The following PAGE2B variants were observed in gnomAD, a reference collection of about 807,000 sequenced individuals.
PAGE2B encodes PAGE family member 2B, also known as putative G antigen family E member 3.
In PAGE2B, 5 loss-of-function variants were observed where a neutral mutation model predicts 7.6. That is an observed-to-expected ratio of 0.66 (90% CI 0.34 to 1.38). The LOEUF (loss-of-function observed/expected upper bound fraction) is 1.38, where lower values mean the gene tolerates loss of function less well. Among genes scored for constraint, PAGE2B ranks in the 40% most tolerant of loss-of-function variants. The pLI, the probability that PAGE2B is intolerant of heterozygous loss-of-function variation, is 0.04. For synonymous variants in PAGE2B, 29 were observed against 26.7 expected (o/e 1.09, Z -0.27); for missense variants, 70 against 78.4 (o/e 0.89, Z 0.41).
At chrX:55,066,833 G>A in the PAGE2B span, among the ~76,000 whole-genome samples, 42,597 of 109,905 alleles carry the variant, frequency 0.39, 6,933 homozygotes, top group Middle Eastern at 0.62. Flanking sequence ...CTTTCTCTAG[G>A]TTTGGGAAGT....
At chrX:55,070,242 T>C (rs975135435), upstream of PAGE2B, among the ~76,000 whole-genome samples, 21 of 112,001 alleles carry the variant, frequency 1.9e-4, 1 homozygote, top group Admixed American at 1.8e-3. Flanking sequence ...TGTGTCTCTG[T>C]TCTCATTGGT....
upstream of PAGE2B, among the ~76,000 whole-genome samples, chrX:55,073,172 T>G (rs1464617868): frequency 1.8e-5 from 2 of 111,852 alleles, no homozygotes; most frequent in Non-Finnish European, 3.8e-5. Flanking sequence ...CTGCCCAGTT[T>G]TGTGCTTGAA....
the PAGE2B span, among the ~76,000 whole-genome samples, chrX:55,067,373 G>A: frequency 2.7e-4 from 30 of 111,432 alleles, no homozygotes; most frequent in African/African-American, 8.2e-4. Flanking sequence ...TCCCTGGAAA[G>A]GACATGAACT....
the PAGE2B span, among the ~76,000 whole-genome samples, chrX:55,047,239 C>T: frequency 2.7e-5 from 3 of 111,256 alleles, no homozygotes; most frequent in African/African-American, 9.8e-5. Context: ...TCATCCATGT[C>T]CCTACAAAGG....
Position 55,075,068 on chromosome X carries a change from A to G in PAGE2B, c.-55A>G, listed in dbSNP as rs1205207067. ...ACAGCTCTGCAAGGAGAGTGTCTTC[A>G]TTCTTTCCGCCATCTTGATTCTTTG... On this transcript the variant is annotated 5_prime_UTR_variant, in exon 1 of 5. Transcript: ENST00000374971. 1 of 118,607 alleles carries G rather than the reference A, an allele frequency of 8.4e-6. No individual in the cohort carries two copies. The allele number at this position is 118,607 out of a possible 1,213,427, so 9.8% of individuals were successfully genotyped here.
chrX:55,030,987 G>A, the PAGE2B span: 11 of 339,593 alleles, frequency 3.2e-5, no homozygotes, highest in Non-Finnish European at 5.9e-5. Context: ...TGGGTACTTG[G>A]GTTAGGACCT....
chrX:55,040,563 G>A, the PAGE2B span, among the ~76,000 whole-genome samples: 1 of 111,425 alleles, frequency 9.0e-6, no homozygotes, highest in African/African-American at 3.3e-5. Flanking sequence ...CACAAAGGAT[G>A]AACATTGTAT....
At position 55,075,462 on chromosome X, in the gene PAGE2B, A is replaced by G. The variant is rs3813927; in HGVS notation, c.-9+348A>G. Among the ~76,000 whole-genome samples the G allele has an allele frequency of 2.4e-3, 269 of 110,937 alleles. 7 individuals carry two copies. In the East Asian group the frequency reaches 0.068, roughly 28 times the overall value. ...CTCGGTAGGGACGCGGGAAGAGACC[A>G]TGTGGTCAGTAAGGAAGGGGCCTGG... On this transcript the variant is annotated intron_variant, in intron 1 of 4. Transcript: ENST00000374971.
the PAGE2B span, among the ~76,000 whole-genome samples, chrX:55,056,241 T>G: frequency 9.0e-6 from 1 of 110,941 alleles, no homozygotes; most frequent in Non-Finnish European, 1.9e-5. Flanking sequence ...CTTCTACATT[T>G]CCCCCAAGGC....
At chrX:55,054,167 C>T in the PAGE2B span, among the ~76,000 whole-genome samples, 1 of 110,800 alleles carries the variant, frequency 9.0e-6, no homozygotes, top group Non-Finnish European at 1.9e-5. Flanking sequence ...CGAAATCATG[C>T]CACTGCACTC....
At chrX:55,040,672 T>C in the PAGE2B span, among the ~76,000 whole-genome samples, 9 of 111,212 alleles carry the variant, frequency 8.1e-5, no homozygotes. Flanking sequence ...GAATGGAAGT[T>C]ACTGTTTAAG....
At chrX:55,057,418 T>C in the PAGE2B span, among the ~76,000 whole-genome samples, 1 of 111,777 alleles carries the variant, frequency 8.9e-6, no homozygotes, top group African/African-American at 3.3e-5. Context: ...GATATATAAA[T>C]CCACAAAGAT....
chrX:55,033,506 T>G, the PAGE2B span, among the ~76,000 whole-genome samples: 1 of 111,665 alleles, frequency 9.0e-6, no homozygotes, highest in African/African-American at 3.3e-5. Context: ...GAGGGAGAAG[T>G]AAGTTTCAGT....
the PAGE2B span, among the ~76,000 whole-genome samples, chrX:55,028,213 A>G: frequency 1.8e-5 from 2 of 111,045 alleles, no homozygotes; most frequent in African/African-American, 6.6e-5. Context: ...TAAAGTTGCC[A>G]GAGTTTATCG....
chrX:55,050,758 A>G, the PAGE2B span, among the ~76,000 whole-genome samples: 1 of 111,455 alleles, frequency 9.0e-6, no homozygotes, highest in Non-Finnish European at 1.9e-5. Flanking sequence ...TTGGCTCTTT[A>G]TCCAGTTTGC....
At chrX:55,058,004 C>T in the PAGE2B span, among the ~76,000 whole-genome samples, 1 of 111,393 alleles carries the variant, frequency 9.0e-6, no homozygotes, top group Non-Finnish European at 1.9e-5. Context: ...AGCAGATAGC[C>T]TACCACTGGC....
chrX:55,076,039 A>G lies in PAGE2B; in HGVS notation c.-3A>G, dbSNP rs745614887. The G allele has an allele frequency of 8.6e-5, 103 of 1,203,334 alleles. No individual in the cohort carries two copies. The highest frequency in any genetic ancestry group is 1.1e-4 in the Non-Finnish European group (97 of 890,635). ...TAACAGTATTCTATTTTCAGTGGGA[A>G]ATATGAGTGAGCATGTGAGAACAAG... On this transcript the variant is annotated 5_prime_UTR_variant, in exon 2 of 5. Coordinates refer to ENST00000374971, the MANE Select transcript of PAGE2B (RefSeq NM_001015038.3).
At chrX:55,058,841 T>C in the PAGE2B span, among the ~76,000 whole-genome samples, 10 of 110,836 alleles carry the variant, frequency 9.0e-5, no homozygotes, top group East Asian at 2.3e-3. Flanking sequence ...GGAGTGTTAG[T>C]CTTCGAAAAT....
the PAGE2B span, among the ~76,000 whole-genome samples, chrX:55,048,861 A>G: frequency 9.0e-6 from 1 of 111,666 alleles, no homozygotes; most frequent in Non-Finnish European, 1.9e-5. Context: ...GAGTGGTGAG[A>G]GAGGGCATCC....
Sources: allele counts gnomAD v4.1 joint callset (sites outside exome capture counted in the v4.1 genomes callset), GRCh38; gene constraint gnomAD v4.1.1; transcripts MANE v1.5; gene names NCBI Gene and HGNC (gene_info 2026-07-23, HGNC 2026-07-21).